IFT80: variants seen among roughly 807,000 people sequenced by gnomAD.
IFT80 encodes the protein intraflagellar transport 80.
IFT80 carries 79 observed loss-of-function variants against 107.9 expected under a neutral mutation model. That is an observed-to-expected ratio of 0.73 (90% CI 0.61 to 0.88). IFT80 has a LOEUF of 0.88. Among genes scored for constraint, IFT80 ranks in the 40% least tolerant of loss-of-function variants. The pLI is 0.00. For synonymous variants in IFT80, 299 were observed against 300.9 expected (o/e 0.99, Z 0.07); for missense variants, 797 against 914.2 (o/e 0.87, Z 1.65).
chr3:160,267,957 A>C (rs1331593735), intron 19 of IFT80, among the ~76,000 whole-genome samples: 2 of 152,200 alleles, frequency 1.3e-5, no homozygotes, highest in Admixed American at 1.3e-4. Flanking sequence ...CTAGGTAGTG[A>C]AATCTACCTA....
At chr3:160,300,644 T>A (rs1716346988) in intron 12 of IFT80, among the ~76,000 whole-genome samples, 1 of 152,120 alleles carries the variant, frequency 6.6e-6, no homozygotes, top group Non-Finnish European at 1.5e-5. Flanking sequence ...TAAAGATTTT[T>A]TTCCTGATTA....
intron 13 of IFT80, 40 bp from the exon 14 acceptor site, chr3:160,282,653 G>C: frequency 8.3e-7 from 1 of 1,210,966 alleles, no homozygotes; most frequent in South Asian, 1.3e-5. Flanking sequence ...GTTAGTTTTA[G>C]TGTTTGACAT....
At chr3:160,351,583 T>C (rs1376313009) in intron 8 of IFT80, among the ~76,000 whole-genome samples, 1 of 146,406 alleles carries the variant, frequency 6.8e-6, no homozygotes, top group Non-Finnish European at 1.5e-5. Context: ...ACATATATTA[T>C]ATGTATATAT....
intron 8 of IFT80, among the ~76,000 whole-genome samples, chr3:160,355,769 A>G (rs921531886): frequency 1.3e-5 from 2 of 152,250 alleles, no homozygotes; most frequent in Non-Finnish European, 2.9e-5. Context: ...CATCCTTCAC[A>G]ATCATGCTCA....
chr3:160,262,359 G>C (rs1712923945), intron 19 of IFT80, among the ~76,000 whole-genome samples: 1 of 152,172 alleles, frequency 6.6e-6, no homozygotes, highest in Non-Finnish European at 1.5e-5. Flanking sequence ...AATCAGGTGA[G>C]GTTTGTTCTA....
At chr3:160,277,951 C>T (rs992878837) in intron 16 of IFT80, among the ~76,000 whole-genome samples, 8 of 152,022 alleles carry the variant, frequency 5.3e-5, no homozygotes, top group African/African-American at 1.9e-4. Flanking sequence ...ACCTTCCAGT[C>T]TTTTTGACGA....
intron 8 of IFT80, among the ~76,000 whole-genome samples, chr3:160,332,512 T>C (rs748508171): frequency 2.0e-5 from 3 of 152,068 alleles, no homozygotes; most frequent in Non-Finnish European, 4.4e-5. Context: ...CACTTAAAAG[T>C]AGGTGATCAA....
intron 1 of IFT80, among the ~76,000 whole-genome samples, chr3:160,391,217 C>A (rs1559977068): frequency 6.6e-6 from 1 of 152,176 alleles, no homozygotes; most frequent in Non-Finnish European, 1.5e-5. Flanking sequence ...TGAATTCTTT[C>A]TTGGGCCATC....
chr3:160,335,672 G>C lies in IFT80; in HGVS notation c.778-15733C>G, dbSNP rs145988139. On this transcript the variant is annotated intron_variant, in intron 8 of 19. Transcript: ENST00000326448. ...TTCTTTTAAGCAACAACTTTATTCA[G>C]ATGTCACATATTATATAATTCATCC... Among the ~76,000 whole-genome samples, 353 of 152,098 alleles carry C rather than the reference G, an allele frequency of 2.3e-3. 3 individuals are homozygous for C. Among genetic ancestry groups the C allele is most frequent in the African/African-American group, 7.9e-3 (326 of 41,502 alleles).
chr3:160,282,376 G>A lies in IFT80; in HGVS notation c.1516+102C>T, dbSNP rs75785934. On this transcript the variant is annotated intron_variant, in intron 14 of 19. Transcript: ENST00000326448. ...GTTAAATAGCTAAGAAGTATTACAA[G>A]ATCAAAACATTAAAACATTTCCAGA... 48 of 858,150 alleles carry A rather than the reference G, an allele frequency of 5.6e-5. No individual in the cohort carries two copies. The East Asian group carries it at 1.3e-3, about 23-fold the overall frequency. The allele number at this position is 858,150 out of a possible 1,614,324, so 53.2% of individuals were successfully genotyped here. A position where few individuals can be genotyped will look rare whatever the true frequency, so the allele number is the denominator to read the frequency against.
chr3:160,360,324 C>T (rs368261369), intron 6 of IFT80, among the ~76,000 whole-genome samples: 3 of 151,934 alleles, frequency 2.0e-5, no homozygotes, highest in Admixed American at 6.6e-5. Flanking sequence ...TAAAAAGAGA[C>T]GAACAAAGCC....
At chr3:160,278,452 C>T (rs984658295) in intron 16 of IFT80, among the ~76,000 whole-genome samples, 4 of 152,204 alleles carry the variant, frequency 2.6e-5, no homozygotes, top group African/African-American at 4.8e-5. Context: ...AAATCAGACA[C>T]GGCCTCCTCA....
intron 4 of IFT80, among the ~76,000 whole-genome samples, chr3:160,376,414 C>T (rs1417681605): frequency 1.3e-5 from 2 of 152,180 alleles, no homozygotes; most frequent in Non-Finnish European, 2.9e-5. Flanking sequence ...AGATGGGTGA[C>T]ATCCGAACAT....
intron 1 of IFT80, among the ~76,000 whole-genome samples, chr3:160,386,730 A>C (rs1013090089): frequency 5.9e-5 from 9 of 152,150 alleles, no homozygotes; most frequent in African/African-American, 2.2e-4. Flanking sequence ...TGATCTTCCT[A>C]TTCCTACATT....
At chr3:160,302,092 T>C (rs1403451175) in intron 11 of IFT80, among the ~76,000 whole-genome samples, 1 of 152,056 alleles carries the variant, frequency 6.6e-6, no homozygotes, top group African/African-American at 2.4e-5. Context: ...ACTATGGCTA[T>C]ATTGGTGTGC....
At chr3:160,389,424 C>T (rs9879379) in intron 1 of IFT80, among the ~76,000 whole-genome samples, 6,236 of 151,232 alleles carry the variant, frequency 0.041, 226 homozygotes, top group Middle Eastern at 0.1. Context: ...TGGTGTGCTG[C>T]ACCCATTAAC....
Position 160,298,388 on chromosome 3 carries a change from T to C in IFT80, c.1315+2495A>G, listed in dbSNP as rs1463652113. Among the ~76,000 whole-genome samples the C allele has an allele frequency of 2.6e-5, 4 of 152,184 alleles. No homozygotes were observed. In the East Asian group the frequency reaches 7.7e-4, roughly 29 times the overall value. The stretch of plus-strand genomic sequence containing the variant: ...TTCTACAATAATTTTATTTTAGTCT[T>C]TTAAGTTTATATTTACAGCAAAACA... On this transcript the variant is annotated intron_variant, in intron 12 of 19. Coordinates refer to ENST00000326448, the MANE Select transcript of IFT80 (RefSeq NM_020800.3).
At chr3:160,382,288 C>G (rs1208232029) in intron 2 of IFT80, among the ~76,000 whole-genome samples, 1 of 152,128 alleles carries the variant, frequency 6.6e-6, no homozygotes, top group Non-Finnish European at 1.5e-5. Flanking sequence ...GGTTTAACAG[C>G]TGAAACTAAA....
At chr3:160,380,080 TAG>T (rs1712350343) in intron 3 of IFT80, among the ~76,000 whole-genome samples, 1 of 150,490 alleles carries the variant, frequency 6.6e-6, no homozygotes, top group Admixed American at 6.7e-5. Context: ...GTGCCCAGGA[TAG>T]AGTGCAATGG....
Sources: gnomAD v4.1 joint callset for allele counts (sites outside exome capture counted in the v4.1 genomes callset) on GRCh38, gnomAD v4.1.1 for gene constraint, MANE v1.5 for transcripts, NCBI Gene and HGNC (gene_info 2026-07-23, HGNC 2026-07-21) for gene names.